Variants in ASB14 observed in about 807,000 individuals in gnomAD.
The protein encoded by ASB14 is ankyrin repeat and SOCS box protein 14.
Under a neutral mutation model 55.6 loss-of-function variants are expected in ASB14, and 63 were observed. The observed-to-expected ratio is 1.13, with a 90% confidence interval of 0.92 to 1.40. The LOEUF (loss-of-function observed/expected upper bound fraction) is 1.40, where lower values mean the gene tolerates loss of function less well. Among genes scored for constraint, ASB14 ranks in the 40% most tolerant of loss-of-function variants. ASB14 has a pLI of 0.00. For missense variants in ASB14, 724 were observed against 710.4 expected (o/e 1.02, Z -0.22); for synonymous variants, 256 against 259.9 (o/e 0.98, Z 0.15).
chr3:57,275,948 A>G (rs139717726), intron 10 of ASB14, among the ~76,000 whole-genome samples: 211 of 152,346 alleles, frequency 1.4e-3, no homozygotes, highest in Non-Finnish European at 2.5e-3. Flanking sequence ...ATTGTATGAT[A>G]CGTAACTGTA....
In ASB14 at chr3:57,270,348, T is replaced by TTGA. The variant is rs1180570077; in HGVS notation, c.*23-733_*23-731dup. 6.5e-5 allele frequency: 10 copies of TTGA among 152,774 alleles called. No homozygotes were observed. In the South Asian group the frequency reaches 1.9e-3, roughly 28 times the overall value. 9.5% of individuals were successfully genotyped at this position (152,774 alleles called of 1,614,324 possible). On this transcript the variant is annotated intron_variant, in intron 10 of 10. Transcript: ENST00000487349. The stretch of plus-strand genomic sequence containing the variant: ...AAGCTTAAGTGTCTTCAGTTCAAGA[T>TTGA]TGATAGAGCCCTTGGCATTTTATTA...
chr3:57,283,057 A>T, intron 6 of ASB14, 137 bp downstream of exon 6: 2 of 1,253,682 alleles, frequency 1.6e-6, no homozygotes, highest in Non-Finnish European at 2.2e-6. Context: ...AGTAATCACT[A>T]TTAACCCATA....
intron 10 of ASB14, among the ~76,000 whole-genome samples, chr3:57,275,309 G>A (rs746245919): frequency 5.3e-5 from 8 of 151,936 alleles, no homozygotes; most frequent in Admixed American, 6.6e-5. Context: ...AAAATTAGCC[G>A]GGCATGGTGG....
intron 9 of ASB14, 100 bp downstream of exon 9, chr3:57,277,667 G>T: frequency 1.8e-6 from 2 of 1,094,656 alleles, no homozygotes; most frequent in Non-Finnish European, 2.6e-6. Flanking sequence ...TTTAAGTCAA[G>T]CTTTTAACCA....
intron 10 of ASB14, chr3:57,269,846 CTT>C: frequency 1.2e-6 from 1 of 840,700 alleles, no homozygotes; most frequent in Non-Finnish European, 1.8e-6. Flanking sequence ...AACTTGATGA[CTT>C]AGGTTTGCAT....
In ASB14 at chr3:57,291,958, C is replaced by T. The variant is rs1489466255; in HGVS notation, c.76G>A (p.Asp26Asn). 2.6e-6 allele frequency: 4 copies of T among 1,536,570 alleles called. No homozygotes were observed. Among genetic ancestry groups the T allele is most frequent in the Non-Finnish European group, 1.7e-6 (2 of 1,146,182 alleles). ...TQLIIQQSLQ[D>N]IYKPGTAQHA... The stretch of plus-strand genomic sequence containing the variant: ...TGTGCTGTTCCTGGCTTATAAATAT[C>T]CTGCAAACTCTGTTGAATGATGAGC... Residue 26 changes from aspartate to asparagine, a missense_variant, in exon 2 of 11, where the codon GAT (aspartate) becomes AAT (asparagine). Coordinates refer to ENST00000487349, the MANE Select transcript of ASB14 (RefSeq NM_001142733.3).
At chr3:57,287,095 C>T (rs2061086485) in intron 5 of ASB14, among the ~76,000 whole-genome samples, 1 of 152,140 alleles carries the variant, frequency 6.6e-6, no homozygotes, top group Non-Finnish European at 1.5e-5. Context: ...TTTTAGTTTT[C>T]CTAAATAATC....
chr3:57,283,966 C>A (rs2061058992), intron 5 of ASB14, among the ~76,000 whole-genome samples: 1 of 151,998 alleles, frequency 6.6e-6, no homozygotes, highest in Admixed American at 6.6e-5. Flanking sequence ...ATCATTTCTG[C>A]ATTACCACAC....
chr3:57,273,090 A>ATACTT (rs1322699625), intron 10 of ASB14: 1 of 152,636 alleles, frequency 6.6e-6, no homozygotes, highest in African/African-American at 2.4e-5. Flanking sequence ...GAACTATATT[A>ATACTT]TACTTTTTAA....
chr3:57,283,188 T>G lies in ASB14; in HGVS notation c.715+6A>C. On this transcript the variant is annotated splice_donor_region_variant and intron_variant, in intron 6 of 10. Coordinates refer to ENST00000487349, the MANE Select transcript of ASB14 (RefSeq NM_001142733.3). ...GTTAGTGTGCTGACCAAACAGAAGA[T>G]CTTGCCTTTCCGCAGTAACATTTCC... The G allele has an allele frequency of 1.3e-6, 2 of 1,552,194 alleles. No homozygotes were observed. The highest frequency in any genetic ancestry group is 8.7e-7 in the Non-Finnish European group (1 of 1,147,010).
rs883244 is a variant in ASB14, at chr3:57,287,888, T to A, written c.469+13A>T. On this transcript the variant is annotated intron_variant, in intron 5 of 10. Coordinates refer to ENST00000487349, the MANE Select transcript of ASB14 (RefSeq NM_001142733.3). The stretch of plus-strand genomic sequence containing the variant: ...GTGCCACAGACTCTTTCAGAAACAA[T>A]GTATTCATTTACCTGCAAGAAGAGG... The A allele has an allele frequency of 6.5e-7, 1 of 1,535,502 alleles. No individual in the cohort carries two copies. The highest frequency in any genetic ancestry group is 8.7e-7 in the Non-Finnish European group (1 of 1,145,854).
rs770885697 is a variant in ASB14, at chr3:57,269,726, C to T, written c.*23-108G>A. 5 of 1,603,710 alleles carry T rather than the reference C, an allele frequency of 3.1e-6. No individual in the cohort carries two copies. In the South Asian group the frequency reaches 5.6e-5, roughly 18 times the overall value. On this transcript the variant is annotated intron_variant, in intron 10 of 10. Transcript: ENST00000487349. Reference sequence around the variant, plus strand: ...GTAGATATTCCCCCTTGGAATTTGACAGTTTCTATGGTGAAATGGCAGAAG... The same window carrying T: ...GTAGATATTCCCCCTTGGAATTTGATAGTTTCTATGGTGAAATGGCAGAAG...
rs372626655 is a variant in ASB14 at position 57,278,511 on chromosome 3, C to T, written c.1297G>A (p.Asp433Asn). 6.2e-7 allele frequency: 1 copy of T among 1,614,076 alleles called. No individual in the cohort carries two copies. Among genetic ancestry groups the T allele is most frequent in the African/African-American group, 1.3e-5 (1 of 74,928 alleles). ...FPSALQYTLK[D>N]EVMLRMLLNY... ...AGCAGCATCCTGAGCATGACTTCATCTTTCAGAGTGTATTGCAGTGCTGAT... is the reference window on the plus strand; with the variant it reads ...AGCAGCATCCTGAGCATGACTTCATTTTTCAGAGTGTATTGCAGTGCTGAT... Residue 433 changes from aspartate (D) to asparagine (N), a missense_variant, in exon 8 of 11, where the codon GAT (aspartate) becomes AAT (asparagine). By Grantham distance (23) the Asp-to-Asn change is conservative. Coordinates refer to ENST00000487349, the MANE Select transcript of ASB14 (RefSeq NM_001142733.3).
chr3:57,290,644 A>C (rs1251973770), intron 2 of ASB14, among the ~76,000 whole-genome samples: 1 of 152,224 alleles, frequency 6.6e-6, no homozygotes, highest in African/African-American at 2.4e-5. Flanking sequence ...CCTAAGTATC[A>C]TACACTTCCT....
chr3:57,280,266 G>A (rs2107623324), intron 7 of ASB14, 36 bp downstream of exon 7: 17 of 1,390,536 alleles, frequency 1.2e-5, no homozygotes, highest in Non-Finnish European at 1.6e-5. Context: ...AGCTATTACT[G>A]TTTTTATTAT....
At chr3:57,273,397 C>T (rs753641702) in intron 10 of ASB14, 1 of 152,484 alleles carries the variant, frequency 6.6e-6, no homozygotes, top group African/African-American at 2.4e-5. Flanking sequence ...GACAAGGCTT[C>T]AGGAAAAAAG....
chr3:57,288,291 T>C lies in ASB14; in HGVS notation c.179-5A>G, dbSNP rs2061097513. 2 of 1,536,906 alleles carry C rather than the reference T, an allele frequency of 1.3e-6. No homozygotes were observed. The highest frequency in any genetic ancestry group is 2.4e-5 in the South Asian group (2 of 83,994). The stretch of plus-strand genomic sequence containing the variant: ...GTGACAATGCATCTTCCTTACCTAT[T>C]AACGAGTCAAATGAGAACAGATTCA... On this transcript the variant is annotated splice_region_variant and splice_polypyrimidine_tract_variant and intron_variant, in intron 3 of 10. Coordinates refer to ENST00000487349, the MANE Select transcript of ASB14 (RefSeq NM_001142733.3).
At position 57,283,235 on chromosome 3, in the gene ASB14, T is replaced by G. The variant is rs1242369065; in HGVS notation, c.674A>C (p.Gln225Pro). 1.9e-6 allele frequency: 3 copies of G among 1,552,042 alleles called. No individual in the cohort carries two copies. In the Admixed American group the frequency reaches 5.9e-5, roughly 30 times the overall value. ...YGFTPLALAA[Q>P]SGHTEIMEML... ...TTCCATGATTTCAGTGTGTCCACTTTGGGCAGCAAGAGCAAGAGGAGTGAA... is the reference window on the plus strand; with the variant it reads ...TTCCATGATTTCAGTGTGTCCACTTGGGGCAGCAAGAGCAAGAGGAGTGAA... The change falls in exon 6 of 11, where the codon CAA (glutamine) becomes CCA (proline). Residue 225 changes from glutamine to proline, a missense_variant. Gln to Pro is a moderately conservative substitution (Grantham distance 76). Coordinates refer to ENST00000487349, the MANE Select transcript of ASB14 (RefSeq NM_001142733.3).
In ASB14 at chr3:57,283,208, A is replaced by G. The variant is rs1399062640; in HGVS notation, c.701T>C (p.Met234Thr). The change falls in exon 6 of 11, where the codon ATG becomes ACG. Residue 234 changes from methionine (M) to threonine (T), a missense_variant. Coordinates refer to ENST00000487349, the MANE Select transcript of ASB14 (RefSeq NM_001142733.3). The stretch of plus-strand genomic sequence containing the variant: ...GAAGATCTTGCCTTTCCGCAGTAAC[A>G]TTTCCATGATTTCAGTGTGTCCACT... ...AQSGHTEIME[M>T]LLRKGANAHG... The G allele has an allele frequency of 9.0e-6, 14 of 1,552,214 alleles. No homozygotes were observed. The East Asian group carries it at 1.2e-4, about 14-fold the overall frequency.
Sources: allele counts gnomAD v4.1 joint callset (sites outside exome capture counted in the v4.1 genomes callset), GRCh38; gene constraint gnomAD v4.1.1; transcripts MANE v1.5; gene names NCBI Gene and HGNC (gene_info 2026-07-23, HGNC 2026-07-21).